The following FHIT variants were observed in gnomAD, a reference collection of about 807,000 sequenced individuals.
The protein encoded by FHIT is bis(5'-adenosyl)-triphosphatase.
FHIT carries 19 observed loss-of-function variants against 17.9 expected under a neutral mutation model. The observed-to-expected ratio is 1.06, with a 90% CI of 0.74 to 1.56. The LOEUF is 1.56. Among genes scored for constraint, FHIT ranks in the 40% most tolerant of loss-of-function variants. The pLI, the probability that FHIT is intolerant of heterozygous loss-of-function variation, is 0.00. For missense variants in FHIT, 248 were observed against 189.2 expected (o/e 1.31, Z -1.82); for synonymous variants, 81 against 69.7 (o/e 1.16, Z -0.81).
intron 2 of FHIT, among the ~76,000 whole-genome samples, chr3:61,045,767 A>T (rs569953039): frequency 1.2e-4 from 18 of 152,212 alleles, no homozygotes; most frequent in Non-Finnish European, 2.4e-4. Context: ...AATGTAAAAG[A>T]ACAGAAATTA....
At chr3:60,975,795 C>A (rs966084985) in intron 3 of FHIT, among the ~76,000 whole-genome samples, 1 of 152,146 alleles carries the variant, frequency 6.6e-6, no homozygotes, top group East Asian at 1.9e-4. Context: ...TATAATTTCA[C>A]TAAAAGCAAT....
At chr3:61,177,413 T>TA (rs1228916858) in intron 2 of FHIT, among the ~76,000 whole-genome samples, 1 of 152,014 alleles carries the variant, frequency 6.6e-6, no homozygotes. Context: ...TTTCAATCTA[T>TA]AAAAAAACTC....
At chr3:60,344,212 G>A (rs549390099) in intron 5 of FHIT, among the ~76,000 whole-genome samples, 4 of 152,110 alleles carry the variant, frequency 2.6e-5, no homozygotes, top group Non-Finnish European at 5.9e-5. Flanking sequence ...CATTTGATTG[G>A]AAACAGCTAA....
chr3:60,571,962 T>C (rs558920974), intron 4 of FHIT, among the ~76,000 whole-genome samples: 9 of 152,316 alleles, frequency 5.9e-5, no homozygotes, highest in Non-Finnish European at 8.8e-5. Context: ...TCTTTGGTCA[T>C]TGCTTTTTAT....
At chr3:61,000,604 C>A (rs1037696905) in intron 3 of FHIT, among the ~76,000 whole-genome samples, 41 of 151,934 alleles carry the variant, frequency 2.7e-4, no homozygotes, top group Admixed American at 1.1e-3. Flanking sequence ...AGTTATTCAA[C>A]GGGAAGTGAT....
chr3:60,646,542 G>C (rs532968739), intron 4 of FHIT, among the ~76,000 whole-genome samples: 2 of 152,138 alleles, frequency 1.3e-5, no homozygotes, highest in African/African-American at 4.8e-5. Flanking sequence ...TATGCTCACA[G>C]ATCAAAAGTG....
intron 2 of FHIT, among the ~76,000 whole-genome samples, chr3:61,057,885 T>C (rs561042646): frequency 1.3e-5 from 2 of 152,296 alleles, no homozygotes; most frequent in East Asian, 1.9e-4. Context: ...AAGACGACTA[T>C]CTGAAAAGCT....
At chr3:61,076,379 G>A (rs957098635) in intron 2 of FHIT, among the ~76,000 whole-genome samples, 12 of 152,164 alleles carry the variant, frequency 7.9e-5, no homozygotes, top group African/African-American at 2.9e-4. Context: ...TATAAGGGCT[G>A]GTAAAAGAAC....
intron 5 of FHIT, among the ~76,000 whole-genome samples, chr3:60,246,014 G>T (rs1370446932): frequency 6.6e-6 from 1 of 152,010 alleles, no homozygotes; most frequent in South Asian, 2.1e-4. Flanking sequence ...TTATGTTAAA[G>T]TAAACTGTTT....
intron 7 of FHIT, among the ~76,000 whole-genome samples, chr3:59,977,187 GATAAA>G (rs1392926438): frequency 6.6e-6 from 1 of 152,110 alleles, no homozygotes; most frequent in African/African-American, 2.4e-5. Context: ...CTGAGTCCCA[GATAAA>G]ATAAAAGTGT....
chr3:60,217,394 C>T (rs1703743424), intron 5 of FHIT, among the ~76,000 whole-genome samples: 1 of 152,216 alleles, frequency 6.6e-6, no homozygotes, highest in Non-Finnish European at 1.5e-5. Flanking sequence ...CCACTTTGTG[C>T]TGCTTCCTAA....
intron 6 of FHIT, among the ~76,000 whole-genome samples, chr3:60,011,673 T>C (rs916361631): frequency 6.6e-6 from 1 of 152,230 alleles, no homozygotes; most frequent in African/African-American, 2.4e-5. Context: ...GCTATGGTTT[T>C]AATTGCATTA....
chr3:60,307,724 T>C (rs1708744223), intron 5 of FHIT, among the ~76,000 whole-genome samples: 1 of 152,118 alleles, frequency 6.6e-6, no homozygotes, highest in Non-Finnish European at 1.5e-5. Flanking sequence ...TGGGGTCAGC[T>C]GAAGCCAGTG....
intron 5 of FHIT, among the ~76,000 whole-genome samples, chr3:60,105,358 T>A (rs1252616868): frequency 2.0e-5 from 3 of 152,194 alleles, no homozygotes; most frequent in Non-Finnish European, 4.4e-5. Context: ...TCTCGATAAT[T>A]TTGCATATAA....
intron 2 of FHIT, among the ~76,000 whole-genome samples, chr3:61,171,742 G>T (rs1207805534): frequency 6.6e-6 from 1 of 152,176 alleles, no homozygotes. Context: ...CTCAAAGTGT[G>T]GTGGCCCAAC....
intron 5 of FHIT, among the ~76,000 whole-genome samples, chr3:60,488,528 T>C (rs1427925925): frequency 1.3e-5 from 2 of 152,120 alleles, no homozygotes; most frequent in African/African-American, 2.4e-5. Context: ...GTCTTGAGGA[T>C]CTAGACATTG....
chr3:60,981,042 C>T (rs1334516740), intron 3 of FHIT, among the ~76,000 whole-genome samples: 3 of 152,166 alleles, frequency 2.0e-5, no homozygotes, highest in Admixed American at 6.5e-5. Flanking sequence ...TCTCTAGTGT[C>T]CTCCTGGAGA....
At chr3:61,002,874 T>G (rs945183789) in intron 3 of FHIT, among the ~76,000 whole-genome samples, 1 of 152,162 alleles carries the variant, frequency 6.6e-6, no homozygotes, top group African/African-American at 2.4e-5. Flanking sequence ...ATACCCCTTC[T>G]GATAGTTGCT....
chr3:60,673,712 T>C (rs1409278676), intron 4 of FHIT, among the ~76,000 whole-genome samples: 6 of 152,186 alleles, frequency 3.9e-5, no homozygotes, highest in African/African-American at 1.2e-4. Flanking sequence ...AAAAAAAGAA[T>C]TTAAAAATGT....
Sources: allele counts gnomAD v4.1 joint callset (sites outside exome capture counted in the v4.1 genomes callset), GRCh38; gene constraint gnomAD v4.1.1; transcripts MANE v1.5; gene names NCBI Gene and HGNC (gene_info 2026-07-23, HGNC 2026-07-21).